The following NBEA variants were observed in gnomAD, a reference collection of about 807,000 sequenced individuals.
The protein encoded by NBEA is lysosomal-trafficking regulator 2.
A neutral mutation model predicts 343.4 loss-of-function variants in NBEA; 44 were observed. That is an observed-to-expected ratio of 0.13 (90% CI 0.10 to 0.16). The LOEUF (loss-of-function observed/expected upper bound fraction) is 0.16. Ranked by LOEUF, NBEA falls within the 10% of genes least tolerant of loss-of-function variation. The probability of loss-of-function intolerance (pLI) is 1.00; values close to 1 mark genes in which losing one functional copy is unlikely to be tolerated. For missense variants in NBEA, 2,555 were observed against 3,631.3 expected (o/e 0.70, Z 7.62); for synonymous variants, 1,175 against 1,238.7 (o/e 0.95, Z 1.08).
At chr13:35,276,253 C>G (rs1267835926) in intron 34 of NBEA, among the ~76,000 whole-genome samples, 1 of 151,732 alleles carries the variant, frequency 6.6e-6, no homozygotes, top group East Asian at 1.9e-4. Context: ...TGTTCTAATA[C>G]AATTGGTGTA....
At chr13:35,546,445 C>A (rs1440143180) in intron 41 of NBEA, among the ~76,000 whole-genome samples, 4 of 143,844 alleles carry the variant, frequency 2.8e-5, no homozygotes, top group East Asian at 2.0e-4. Context: ...GCATGGCTGA[C>A]AGAATGAGAC....
intron 38 of NBEA, among the ~76,000 whole-genome samples, chr13:35,403,372 A>T (rs1324459565): frequency 3.3e-5 from 5 of 152,074 alleles, no homozygotes; most frequent in Non-Finnish European, 7.4e-5. Context: ...CAATCTAGTA[A>T]GAGTGTCAAG....
chr13:35,372,856 G>C (rs1461577742), intron 38 of NBEA, among the ~76,000 whole-genome samples: 1 of 152,146 alleles, frequency 6.6e-6, no homozygotes, highest in Non-Finnish European at 1.5e-5. Context: ...TGCAGGGGCT[G>C]TTGGGCCACA....
intron 41 of NBEA, among the ~76,000 whole-genome samples, chr13:35,532,556 C>A (rs2152999328): frequency 6.6e-6 from 1 of 152,172 alleles, no homozygotes; most frequent in East Asian, 1.9e-4. Flanking sequence ...AGCTTTGTTA[C>A]AGGTATGATA....
chr13:35,225,494 C>T (rs2074600909), intron 33 of NBEA, among the ~76,000 whole-genome samples: 1 of 152,068 alleles, frequency 6.6e-6, no homozygotes, highest in South Asian at 2.1e-4. Flanking sequence ...ATTAATTCTC[C>T]CTCCTTTAAC....
chr13:35,512,337 A>G (rs552849379), intron 41 of NBEA, among the ~76,000 whole-genome samples: 71 of 152,322 alleles, frequency 4.7e-4, no homozygotes, highest in African/African-American at 1.7e-3. Context: ...GAAACTGTCA[A>G]CCTGGACTTT....
chr13:35,283,581 C>T (rs2035206237), intron 34 of NBEA, among the ~76,000 whole-genome samples: 1 of 152,068 alleles, frequency 6.6e-6, no homozygotes, highest in Admixed American at 6.6e-5. Context: ...TTTGATAAGC[C>T]AGATGCATTT....
chr13:35,621,133 C>G (rs1005256940), intron 48 of NBEA, among the ~76,000 whole-genome samples: 2 of 152,164 alleles, frequency 1.3e-5, no homozygotes, highest in African/African-American at 2.4e-5. Context: ...AGGCTAATGT[C>G]TGACATATGG....
chr13:35,249,481 A>G (rs2034148693), intron 34 of NBEA, among the ~76,000 whole-genome samples: 2 of 152,124 alleles, frequency 1.3e-5, no homozygotes, highest in African/African-American at 4.8e-5. Context: ...GAAACCTTAC[A>G]CTCATTAAGC....
intron 41 of NBEA, among the ~76,000 whole-genome samples, chr13:35,504,367 A>G (rs1300255228): frequency 6.6e-6 from 1 of 152,118 alleles, no homozygotes; most frequent in Non-Finnish European, 1.5e-5. Flanking sequence ...TTCTTAACTA[A>G]AACTGTTTCT....
chr13:35,151,155 AT>A lies in NBEA; in HGVS notation c.2446-4612del, dbSNP rs1188115711. ...AGAAAAGAAATTTGTTATTTTAATA[AT>A]TTTTTTGAAGTCTTATTAGGATAAA... On this transcript the variant is annotated intron_variant, in intron 18 of 58. Coordinates refer to ENST00000379939, the MANE Select transcript of NBEA (RefSeq NM_001385012.1). Among the ~76,000 whole-genome samples the A allele has an allele frequency of 2.6e-5, 4 of 151,808 alleles. No individual in the cohort carries two copies. In the South Asian group the frequency reaches 8.3e-4, roughly 32 times the overall value.
At position 35,400,196 on chromosome 13, in the gene NBEA, TAAAAAAAAAAA is replaced by T. The variant is rs71081251; in HGVS notation, c.6180-32055_6180-32045del. Among the ~76,000 whole-genome samples the T allele has an allele frequency of 2.2e-4, 17 of 78,226 alleles. 1 individual carries two copies. Among genetic ancestry groups the T allele is most frequent in the South Asian group, 1.2e-3 (2 of 1,714 alleles). The allele number at this position is 78,226 out of a possible 152,430, so 51.3% of individuals were successfully genotyped here. On this transcript the variant is annotated intron_variant, in intron 38 of 58. Transcript: ENST00000379939. ...AGGGTTGCCACAACTCTTCAATTTG[TAAAAAAAAAAA>T]AAAAAAAAAAAAAAAAAGTATCTGT...
intron 18 of NBEA, among the ~76,000 whole-genome samples, chr13:35,147,102 C>A (rs780246335): frequency 3.3e-5 from 5 of 152,058 alleles, no homozygotes; most frequent in Non-Finnish European, 5.9e-5. Flanking sequence ...TTTTTCATTC[C>A]CTTCACTAAA....
At chr13:35,171,239 T>G in intron 25 of NBEA, 33 bp from the exon 26 acceptor site, 1 of 1,587,864 alleles carries the variant, frequency 6.3e-7, no homozygotes, top group Non-Finnish European at 8.6e-7. Flanking sequence ...TTCCAAATTT[T>G]AAACAAGACT....
intron 38 of NBEA, among the ~76,000 whole-genome samples, chr13:35,367,996 T>G (rs972962643): frequency 6.6e-6 from 1 of 151,636 alleles, no homozygotes. Context: ...AATTTTCACC[T>G]TTCATTAAAT....
rs540265461 is a variant in NBEA at position 35,510,624 on chromosome 13, G to A, written c.6585+38088G>A. ...AGAAAAATAAAATCAACTTGCAAAG[G>A]AATAAAAAAGAAGGAAGAAAGGGAA... On this transcript the variant is annotated intron_variant, in intron 41 of 58. Transcript: ENST00000379939. Among the ~76,000 whole-genome samples the A allele has an allele frequency of 3.9e-5, 6 of 152,134 alleles. No individual in the cohort carries two copies. The South Asian group carries it at 1.2e-3, about 32-fold the overall frequency.
At chr13:35,490,056 G>A (rs1180824083) in intron 41 of NBEA, among the ~76,000 whole-genome samples, 4 of 151,762 alleles carry the variant, frequency 2.6e-5, no homozygotes, top group Admixed American at 2.6e-4. Flanking sequence ...TTCCTTTCCT[G>A]TTATAACTGT....
intron 1 of NBEA, among the ~76,000 whole-genome samples, chr13:35,029,197 C>CAT (rs1352761591): frequency 6.6e-6 from 1 of 151,212 alleles, no homozygotes; most frequent in Non-Finnish European, 1.5e-5. Context: ...ATATATAACA[C>CAT]ATATATATGT....
intron 24 of NBEA, among the ~76,000 whole-genome samples, chr13:35,166,454 A>C (rs1459764503): frequency 6.6e-6 from 1 of 152,140 alleles, no homozygotes; most frequent in Non-Finnish European, 1.5e-5. Flanking sequence ...TGTAGTTTGG[A>C]ATTTAAAATT....
Sources: gnomAD v4.1 joint callset for allele counts (sites outside exome capture counted in the v4.1 genomes callset) on GRCh38, gnomAD v4.1.1 for gene constraint, MANE v1.5 for transcripts, NCBI Gene and HGNC (gene_info 2026-07-23, HGNC 2026-07-21) for gene names.